CLK2: variants seen among roughly 807,000 people sequenced by gnomAD.
The protein encoded by CLK2 is CDC like kinase 2, also known as dual specificity protein kinase CLK2.
Under a neutral mutation model 73.5 loss-of-function variants are expected in CLK2, and 12 were observed. The ratio of observed to expected loss-of-function variants is 0.16; its 90% CI spans 0.10 to 0.26. The LOEUF (loss-of-function observed/expected upper bound fraction) is 0.26, where lower values mean the gene tolerates loss of function less well. CLK2 is among the 10% of genes least tolerant of loss of function. CLK2 has a pLI of 1.00. For synonymous variants in CLK2, 232 were observed against 237.9 expected (o/e 0.98, Z 0.23); for missense variants, 509 against 688.4 (o/e 0.74, Z 2.92).
Position 155,269,593 on chromosome 1 carries a change from G to A in CLK2, c.294C>T (p.Ser98=). The A allele has an allele frequency of 6.2e-7, 1 of 1,614,222 alleles. No individual in the cohort carries two copies. The highest frequency in any genetic ancestry group is 1.1e-5 in the South Asian group (1 of 91,088). The change falls in exon 3 of 13, where the codon TCC becomes TCT. Residue 98 remains serine (S), a synonymous_variant. Transcript: ENST00000368361. The stretch of plus-strand genomic sequence containing the variant: ...TGCTGTTCTCCCGCTGATATTCATA[G>A]GAATGCCGATAGTCTGTGTCATAGT... ...DAYYDTDYRH[S]YEYQRENSSY...
At position 155,264,569 on chromosome 1, in the gene CLK2, G is replaced by A; in HGVS notation, c.1064-19C>T. 6.2e-7 allele frequency: 1 copy of A among 1,614,206 alleles called. No homozygotes were observed. The highest frequency in any genetic ancestry group is 8.5e-7 in the Non-Finnish European group (1 of 1,180,016). ...CCCAACTCTGGGTGAGAATGGGAGG[G>A]AAAAGGTGTTATGAGGCTTAGGTGG... On this transcript the variant is annotated intron_variant, in intron 9 of 12. Transcript: ENST00000368361.
chr1:155,268,165 G>A lies in CLK2; in HGVS notation c.555-39C>T. On this transcript the variant is annotated intron_variant, in intron 5 of 12. Transcript: ENST00000368361. The surrounding 1 kb of genome is among the most constrained non-coding windows in gnomAD (Gnocchi z 5.6). Reference sequence around the variant, plus strand: ...GGAGAGGCTTTTGCTGGGTTCTCAAGAATGTCTCAAAATGAACAGGGCTGT... The same window carrying A: ...GGAGAGGCTTTTGCTGGGTTCTCAAAAATGTCTCAAAATGAACAGGGCTGT... 6.3e-7 allele frequency: 1 copy of A among 1,590,366 alleles called. No homozygotes were observed. The highest frequency in any genetic ancestry group is 1.3e-5 in the African/African-American group (1 of 74,536).
At position 155,268,825 on chromosome 1, in the gene CLK2, GCCAGGTGTCGGAGC is replaced by G; in HGVS notation, c.400-44_400-31del. 8.8e-7 allele frequency: 1 copy of G among 1,130,102 alleles called. No individual in the cohort carries two copies. The highest frequency in any genetic ancestry group is 1.3e-6 in the Non-Finnish European group (1 of 789,864). 70.0% of individuals were successfully genotyped at this position (1,130,102 alleles called of 1,614,324 possible). A position where few individuals can be genotyped will look rare whatever the true frequency, so the allele number is the denominator to read the frequency against. On this transcript the variant is annotated intron_variant, in intron 3 of 12. Coordinates refer to ENST00000368361, the MANE Select transcript of CLK2 (RefSeq NM_001294338.2). The surrounding 1 kb of genome is among the most constrained non-coding windows in gnomAD (Gnocchi z 5.6). ...CGGGGGGCAGGGGGGGTCGGAGCAA[GCCAGGTGTCGGAGC>G]GGGGGCCGGAGGGAGGCGGGGTGGG...
Position 155,263,111 on chromosome 1 carries a change from G to A in CLK2, c.*107C>T. On this transcript the variant is annotated 3_prime_UTR_variant, in exon 13 of 13. Transcript: ENST00000368361. ...ATATTCACAGGTATATAGAGAGCCAGGAGGAAGGAGTGAACTCTGGCTCGT... is the reference window on the plus strand; with the variant it reads ...ATATTCACAGGTATATAGAGAGCCAAGAGGAAGGAGTGAACTCTGGCTCGT... 1 of 1,078,298 alleles carries A rather than the reference G, an allele frequency of 9.3e-7. No individual in the cohort carries two copies. The highest frequency in any genetic ancestry group is 1.3e-6 in the Non-Finnish European group (1 of 766,280). The allele number at this position is 1,078,298 out of a possible 1,614,324, so 66.8% of individuals were successfully genotyped here.
At chr1:155,269,287 A>C (rs1228200673) in intron 3 of CLK2, 4 of 609,190 alleles carry the variant, frequency 6.6e-6, no homozygotes, top group Non-Finnish European at 8.7e-6. Context: ...GGGGTCACAA[A>C]TGCTCCGTGC....
intron 1 of CLK2, among the ~76,000 whole-genome samples, chr1:155,272,016 GTTTTTTT>G (rs34906309): frequency 1.5e-5 from 2 of 137,104 alleles, no homozygotes; most frequent in Non-Finnish European, 3.1e-5. Flanking sequence ...TGTTTCTTGT[GTTTTTTT>G]TTTTTTTTTT....
At chr1:155,271,713 G>A (rs1004849047) in intron 1 of CLK2, among the ~76,000 whole-genome samples, 19 of 152,026 alleles carry the variant, frequency 1.2e-4, no homozygotes, top group African/African-American at 4.1e-4. Context: ...GTAAAGCTTT[G>A]GTTTACAGTT....
rs941071398 is a variant in CLK2, at chr1:155,268,891, G to A, written c.400-96C>T. 3 of 732,638 alleles carry A rather than the reference G, an allele frequency of 4.1e-6. No homozygotes were observed. The highest frequency in any genetic ancestry group is 2.0e-5 in the Admixed American group (1 of 49,868). The allele number at this position is 732,638 out of a possible 1,614,324, so 45.4% of individuals were successfully genotyped here. A position where few individuals can be genotyped will look rare whatever the true frequency, so the allele number is the denominator to read the frequency against. On this transcript the variant is annotated intron_variant, in intron 3 of 12. Transcript: ENST00000368361. This position sits in a 1 kb window ranked among gnomAD's most constrained non-coding sequence, Gnocchi z 5.6. ...GGTAGAGGGGTCACCGGTCACAGGC[G>A]CCCAGCCAGGGGGGACAGACGATGA...
intron 6 of CLK2, 65 bp from the exon 7 acceptor site, chr1:155,266,960 A>G (rs1673260686): frequency 4.5e-6 from 7 of 1,551,262 alleles, no homozygotes; most frequent in Non-Finnish European, 5.3e-6. Context: ...CAGCCATCCA[A>G]CAAGGAGGTA....
In CLK2 at chr1:155,263,160, T is replaced by C. The variant is rs1673052355; in HGVS notation, c.*58A>G. 1.3e-6 allele frequency: 2 copies of C among 1,509,280 alleles called. No homozygotes were observed. The highest frequency in any genetic ancestry group is 2.5e-5 in the South Asian group (2 of 78,486). 93.5% of individuals were successfully genotyped at this position (1,509,280 alleles called of 1,614,324 possible). The stretch of plus-strand genomic sequence containing the variant: ...GTTCTCTTGTATAAAAAAGCACCAG[T>C]GTCCTGGACTGGACACCCACTGCTA... On this transcript the variant is annotated 3_prime_UTR_variant, in exon 13 of 13. Transcript: ENST00000368361.
intron 12 of CLK2, 21 bp downstream of exon 12, chr1:155,263,929 T>C (rs754455418): frequency 1.5e-5 from 24 of 1,610,080 alleles, no homozygotes; most frequent in Non-Finnish European, 2.0e-5. Flanking sequence ...GTGGGCACTA[T>C]TTATCCCGAG....
chr1:155,263,906 T>A (rs772369883), intron 12 of CLK2, 44 bp downstream of exon 12: 3 of 1,575,562 alleles, frequency 1.9e-6, no homozygotes, highest in East Asian at 4.5e-5. Flanking sequence ...AAGAAGGAAG[T>A]GACTTCTGGA....
rs2148146570 is a variant in CLK2 at position 155,270,912 on chromosome 1, A to G, written c.66T>C (p.Tyr22=). 3.1e-6 allele frequency: 5 copies of G among 1,614,094 alleles called. No individual in the cohort carries two copies. Among genetic ancestry groups the G allele is most frequent in the East Asian group, 2.2e-5 (1 of 44,882 alleles). The change falls in exon 2 of 13, where the codon TAT becomes TAC. Residue 22 remains tyrosine (Y), a synonymous_variant. Coordinates refer to ENST00000368361, the MANE Select transcript of CLK2 (RefSeq NM_001294338.2). Reference sequence around the variant, plus strand: ...TTCGTCGCTTATGCTTTCGGCTCCGATAGTGTTCACGGTAACTCCCCCGGC... The same window carrying G: ...TTCGTCGCTTATGCTTTCGGCTCCGGTAGTGTTCACGGTAACTCCCCCGGC... The part of the protein sequence containing the change: ...RGSRGSYREH[Y]RSRKHKRRRS...
chr1:155,263,390 G>T lies in CLK2; in HGVS notation c.1328C>A (p.Thr443Asn). The change falls in exon 13 of 13, where the codon ACC becomes AAC. Residue 443 changes from threonine (T) to asparagine (N), a missense_variant. This residue lies in a region of CLK2 where 134 missense variants were observed against 146.0 expected (regional missense o/e 0.92). Coordinates refer to ENST00000368361, the MANE Select transcript of CLK2 (RefSeq NM_001294338.2). Reference protein sequence around the residue: ...ENCKPLRRYLTSEAEEHHQLF... With the variant: ...ENCKPLRRYLNSEAEEHHQLF... ...CTGGTGGTGTTCCTCTGCCTCTGAG[G>T]TCAGATACCGCTGGTGGAGGAGGGC... is the stretch of plus-strand genomic sequence containing the variant. The T allele has an allele frequency of 6.2e-7, 1 of 1,614,048 alleles. No homozygotes were observed. Among genetic ancestry groups the T allele is most frequent in the Non-Finnish European group, 8.5e-7 (1 of 1,180,020 alleles).
At position 155,268,284 on chromosome 1, in the gene CLK2, G is replaced by C; in HGVS notation, c.554+9C>G. ...TAGCCCCACATAGTAGGGAGGGACTGACAGTTACCTGCGATGGTCAACACA... is the reference window on the plus strand; with the variant it reads ...TAGCCCCACATAGTAGGGAGGGACTCACAGTTACCTGCGATGGTCAACACA... On this transcript the variant is annotated intron_variant, in intron 5 of 12. Transcript: ENST00000368361. This position sits in a 1 kb window ranked among gnomAD's most constrained non-coding sequence, Gnocchi z 5.6. The C allele has an allele frequency of 6.2e-7, 1 of 1,613,676 alleles. No individual in the cohort carries two copies. Among genetic ancestry groups the C allele is most frequent in the Non-Finnish European group, 8.5e-7 (1 of 1,179,554 alleles).
rs752753326 is a variant in CLK2 at position 155,264,704 on chromosome 1, T to C, written c.1004A>G (p.His335Arg). ...VVDFGSATFD[H>R]EHHSTIVSTR... ...GGAGACAATGGTGCTATGGTGCTCA[T>C]GGTCAAAGGTGGCACTGCCAAAGTC... The change falls in exon 9 of 13, where the codon CAT becomes CGT. Residue 335 changes from histidine (H) to arginine (R), a missense_variant. By Grantham distance (29) the His-to-Arg change is conservative. Around this residue, in one of 6 missense-constraint regions of CLK2, gnomAD observed 48 missense variants for 144.9 expected, o/e 0.33. Coordinates refer to ENST00000368361, the MANE Select transcript of CLK2 (RefSeq NM_001294338.2). The C allele has an allele frequency of 1.9e-6, 3 of 1,614,218 alleles. No homozygotes were observed. Among genetic ancestry groups the C allele is most frequent in the East Asian group, 2.2e-5 (1 of 44,888 alleles).
chr1:155,264,199 C>T (rs371676013), intron 11 of CLK2, 22 bp downstream of exon 11: 95 of 1,613,340 alleles, frequency 5.9e-5, no homozygotes, highest in Middle Eastern at 1.7e-4. Context: ...AAAGAGTTAA[C>T]TAGTGCCCCC....
At chr1:155,269,782 C>G in intron 2 of CLK2, 66 bp from the exon 3 acceptor site, 1 of 1,435,494 alleles carries the variant, frequency 7.0e-7, no homozygotes, top group East Asian at 2.3e-5. Context: ...TACCCTGTGA[C>G]AAGGTCCTGC....
rs747363974 is a variant in CLK2 at position 155,268,675 on chromosome 1, C to T, written c.487+33G>A. 2.5e-6 allele frequency: 4 copies of T among 1,590,532 alleles called. No individual in the cohort carries two copies. Among genetic ancestry groups the T allele is most frequent in the African/African-American group, 1.3e-5 (1 of 74,414 alleles). On this transcript the variant is annotated intron_variant, in intron 4 of 12. Transcript: ENST00000368361. The surrounding 1 kb of genome is among the most constrained non-coding windows in gnomAD (Gnocchi z 5.6). ...CGTTAGGATGGCTATGGGACCATTA[C>T]AGGCTATAGGATTGTTACGATTTGG... is the stretch of plus-strand genomic sequence containing the variant.
Sources: gnomAD v4.1 joint callset for allele counts (sites outside exome capture counted in the v4.1 genomes callset) on GRCh38, gnomAD v4.1.1 for gene constraint, gnomAD v4.1.1 regional missense constraint, Gnocchi (gnomAD v3.1) non-coding constraint, MANE v1.5 for transcripts, NCBI Gene and HGNC (gene_info 2026-07-23, HGNC 2026-07-21) for gene names.